The following ABLIM2 variants were observed in gnomAD, a reference collection of about 807,000 sequenced individuals.
ABLIM2 encodes actin-binding LIM protein 2.
A neutral mutation model predicts 97.7 loss-of-function variants in ABLIM2; 53 were observed. The observed-to-expected ratio is 0.54, with a 90% CI of 0.44 to 0.68. The LOEUF is 0.68. ABLIM2 is among the 30% of genes least tolerant of loss of function. The probability of loss-of-function intolerance (pLI) is 0.00; values close to 1 mark genes in which losing one functional copy is unlikely to be tolerated. For missense variants in ABLIM2, 835 were observed against 867.2 expected, an observed-to-expected ratio of 0.96 and a Z score of 0.47; for synonymous variants, 361 against 345.8, an observed-to-expected ratio of 1.04 and a Z score of -0.49.
intron 1 of ABLIM2, among the ~76,000 whole-genome samples, chr4:8,110,753 C>T (rs370237741): frequency 1.3e-5 from 2 of 152,300 alleles, no homozygotes; most frequent in African/African-American, 4.8e-5. Context: ...GCCTCCGAGG[C>T]GTCCGGGGGC....
chr4:8,139,128 C>T (rs1280485519), intron 1 of ABLIM2, among the ~76,000 whole-genome samples: 3 of 151,548 alleles, frequency 2.0e-5, no homozygotes, highest in Non-Finnish European at 4.4e-5. Context: ...ACCCAGGAGG[C>T]GGAGGTTGCA....
rs1297191689 is a variant in ABLIM2, at chr4:8,044,271, T to C, written c.900+893A>G. Among the ~76,000 whole-genome samples the C allele has an allele frequency of 6.6e-6, 1 of 151,984 alleles. No homozygotes were observed. The highest frequency in any genetic ancestry group is 2.4e-5 in the African/African-American group (1 of 41,392). On this transcript the variant is annotated intron_variant, in intron 9 of 20. Coordinates refer to ENST00000447017, the MANE Select transcript of ABLIM2 (RefSeq NM_001130083.2). This position sits in a 1 kb window ranked among gnomAD's most constrained non-coding sequence, Gnocchi z 4.4. ...AGGGGCTTGTCCCAGTCACCAGCCA[T>C]TCCAGTGCTGGGTTCTGGTGCAGGG...
chr4:8,020,846 CTT>C (rs34799650), intron 12 of ABLIM2: 269 of 94,692 alleles, frequency 2.8e-3, no homozygotes, highest in Middle Eastern at 7.1e-3. Flanking sequence ...TTACCACATT[CTT>C]TTTTTTTTTT....
At chr4:8,013,555 GATA>G (rs1490140734) in intron 14 of ABLIM2, among the ~76,000 whole-genome samples, 1 of 152,202 alleles carries the variant, frequency 6.6e-6, no homozygotes, top group East Asian at 1.9e-4. Flanking sequence ...CATGTTAACA[GATA>G]ATAATAGATG....
At position 8,015,835 on chromosome 4, in the gene ABLIM2, C is replaced by T. The variant is rs1380682093; in HGVS notation, c.1423+3783G>A. 6.6e-6 allele frequency among the ~76,000 whole-genome samples: 1 copy of T among 151,932 alleles called. No individual in the cohort carries two copies. Among genetic ancestry groups the T allele is most frequent in the Non-Finnish European group, 1.5e-5 (1 of 67,984 alleles). On this transcript the variant is annotated intron_variant, in intron 14 of 20. Transcript: ENST00000447017. The surrounding 1 kb of genome is among the most constrained non-coding windows in gnomAD (Gnocchi z 4.6). ...GAACTTACTGGGAAATGTTGGGGAGCCATCATTTTTCCCTCATGAAATCCT... is the reference window on the plus strand; with the variant it reads ...GAACTTACTGGGAAATGTTGGGGAGTCATCATTTTTCCCTCATGAAATCCT...
At chr4:8,000,563 C>T (rs574784895) in intron 16 of ABLIM2, among the ~76,000 whole-genome samples, 13 of 152,258 alleles carry the variant, frequency 8.5e-5, no homozygotes, top group African/African-American at 2.9e-4. Context: ...GCAGCACCCT[C>T]AGGCAGCACT....
rs1220192835 is a variant in ABLIM2, at chr4:8,087,614, G to A, written c.454+555C>T. Among the ~76,000 whole-genome samples, 2 of 152,206 alleles carry A rather than the reference G, an allele frequency of 1.3e-5. No individual in the cohort carries two copies. Among genetic ancestry groups the A allele is most frequent in the Admixed American group, 6.6e-5 (1 of 15,266 alleles). ...AGTGAATGCCAGAGGGAGAGGACCT[G>A]AAGGAGACCTGGAAGGCTTCCTGGA... On this transcript the variant is annotated intron_variant, in intron 4 of 20. Transcript: ENST00000447017. The surrounding 1 kb of genome is among the most constrained non-coding windows in gnomAD (Gnocchi z 4.6).
intron 20 of ABLIM2, among the ~76,000 whole-genome samples, chr4:7,971,778 A>T (rs1728261002): frequency 6.6e-6 from 1 of 151,944 alleles, no homozygotes; most frequent in East Asian, 1.9e-4. Flanking sequence ...GACCCCACCA[A>T]GCTCAGAGGT....
intron 11 of ABLIM2, among the ~76,000 whole-genome samples, chr4:8,028,454 CTCAA>C (rs1199461812): frequency 1.3e-5 from 2 of 152,124 alleles, no homozygotes; most frequent in Non-Finnish European, 1.5e-5. Context: ...TACTTGCTCA[CTCAA>C]TCACTCATTC....
rs368972444 is a variant in ABLIM2, at chr4:8,074,812, G to A, written c.675+2816C>T. 6.8e-3 allele frequency among the ~76,000 whole-genome samples: 882 copies of A among 129,424 alleles called. 11 individuals are homozygous for A. The highest frequency in any genetic ancestry group is 0.024 in the African/African-American group (817 of 33,620). The allele number at this position is 129,424 out of a possible 152,430, so 84.9% of individuals were successfully genotyped here. On this transcript the variant is annotated intron_variant, in intron 6 of 20. Transcript: ENST00000447017. ...TTTTTTTTTTTTGAGACAGAGTCTC[G>A]CTCTGTAGCCCAGGCTGGAGTGCAG...
intron 6 of ABLIM2, among the ~76,000 whole-genome samples, chr4:8,070,585 C>A (rs541237454): frequency 1.3e-5 from 2 of 152,090 alleles, no homozygotes; most frequent in African/African-American, 2.4e-5. Flanking sequence ...ACAAATGTCC[C>A]GCAATTGCAA....
rs1426173549 is a variant in ABLIM2 at position 8,140,924 on chromosome 4, C to T, written c.10+17756G>A. ...TGGTGTGAACGGTGTTTTTCTAGAA[C>T]TCCTTACTCATTAAAATCCACGGTA... On this transcript the variant is annotated intron_variant, in intron 1 of 20. Coordinates refer to ENST00000447017, the MANE Select transcript of ABLIM2 (RefSeq NM_001130083.2). The surrounding 1 kb of genome is among the most constrained non-coding windows in gnomAD (Gnocchi z 5.9). Among the ~76,000 whole-genome samples the T allele has an allele frequency of 6.6e-6, 1 of 152,138 alleles. No homozygotes were observed. Among genetic ancestry groups the T allele is most frequent in the African/African-American group, 2.4e-5 (1 of 41,410 alleles).
intron 3 of ABLIM2, among the ~76,000 whole-genome samples, chr4:8,088,702 C>T (rs936892056): frequency 3.3e-5 from 5 of 152,248 alleles, no homozygotes; most frequent in Admixed American, 2.6e-4. Flanking sequence ...CACTGGGCAT[C>T]TCCTGTGTGC....
intron 20 of ABLIM2, among the ~76,000 whole-genome samples, chr4:7,980,353 C>T (rs1033171963): frequency 2.0e-5 from 3 of 152,114 alleles, no homozygotes; most frequent in Non-Finnish European, 4.4e-5. Context: ...CATCACATGA[C>T]AGAGAGCAGG....
At chr4:8,070,848 A>AG (rs1259289322) in intron 6 of ABLIM2, among the ~76,000 whole-genome samples, 1 of 152,128 alleles carries the variant, frequency 6.6e-6, no homozygotes, top group African/African-American at 2.4e-5. Flanking sequence ...TCGCAGAACC[A>AG]GGGGGACGCT....
rs542861477 is a variant in ABLIM2, at chr4:8,088,625, C to T, written c.339-341G>A. ...TGGGCCACCGGCCCCTCCAGCCCAC[C>T]CTGCCTTCCCAGTCACATGGGATGC... On this transcript the variant is annotated intron_variant, in intron 3 of 20. Transcript: ENST00000447017. Among the ~76,000 whole-genome samples, 9 of 152,370 alleles carry T rather than the reference C, an allele frequency of 5.9e-5. No individual in the cohort carries two copies. In the East Asian group the frequency reaches 1.7e-3, roughly 29 times the overall value.
chr4:8,137,983 C>T (rs895372015), intron 1 of ABLIM2, among the ~76,000 whole-genome samples: 3 of 152,190 alleles, frequency 2.0e-5, no homozygotes, highest in Non-Finnish European at 4.4e-5. Flanking sequence ...TATTATTCAG[C>T]CTTAAAAAGG....
At position 8,032,608 on chromosome 4, in the gene ABLIM2, C is replaced by T. The variant is rs538480624; in HGVS notation, c.1048-2832G>A. 2.1e-4 allele frequency: 340 copies of T among 1,611,706 alleles called. No individual in the cohort carries two copies. Among genetic ancestry groups the T allele is most frequent in the Non-Finnish European group, 1.9e-4 (225 of 1,179,458 alleles). The stretch of plus-strand genomic sequence containing the variant: ...GTTATGTTTATAACCCAGGCAGCAG[C>T]GCCACGGCAAGCGGGGACAGGCGAG... On this transcript the variant is annotated intron_variant, in intron 10 of 20. Coordinates refer to ENST00000447017, the MANE Select transcript of ABLIM2 (RefSeq NM_001130083.2). This position sits in a 1 kb window ranked among gnomAD's most constrained non-coding sequence, Gnocchi z 4.3.
chr4:7,968,409 C>G (rs978107847), intron 20 of ABLIM2, among the ~76,000 whole-genome samples: 1 of 152,254 alleles, frequency 6.6e-6, no homozygotes, highest in African/African-American at 2.4e-5. Flanking sequence ...CTCTAAATCA[C>G]TGCAATGTGG....
Sources: gnomAD v4.1 joint callset for allele counts (sites outside exome capture counted in the v4.1 genomes callset) on GRCh38, gnomAD v4.1.1 for gene constraint, Gnocchi (gnomAD v3.1) non-coding constraint, MANE v1.5 for transcripts, NCBI Gene and HGNC (gene_info 2026-07-23, HGNC 2026-07-21) for gene names.